SZRD1: variants seen among roughly 807,000 people sequenced by gnomAD.
SZRD1 encodes the protein SUZ RNA-binding domain-containing.
In SZRD1, 7 loss-of-function variants were observed where a neutral mutation model predicts 17.6. That is an observed-to-expected ratio of 0.40 (90% CI 0.23 to 0.75). SZRD1 has a LOEUF of 0.75. SZRD1 is among the 30% of genes least tolerant of loss of function. The probability of loss-of-function intolerance (pLI) is 0.38; values close to 1 mark genes in which losing one functional copy is unlikely to be tolerated. For missense variants in SZRD1, 178 were observed against 201.8 expected (o/e 0.88, Z 0.71); for synonymous variants, 77 against 77.9 (o/e 0.99, Z 0.06).
In SZRD1 at chr1:16,393,490, T is replaced by G. The variant is rs1557632281; in HGVS notation, c.356+8T>G. 1 of 1,603,896 alleles carries G rather than the reference T, an allele frequency of 6.2e-7. No individual in the cohort carries two copies. The highest frequency in any genetic ancestry group is 1.7e-5 in the Admixed American group (1 of 58,536). On this transcript the variant is annotated splice_region_variant and intron_variant, in intron 3 of 3. Transcript: ENST00000401088. The surrounding 1 kb of genome is among the most constrained non-coding windows in gnomAD (Gnocchi z 5.6). ...GAAACCCATCCTCGACAGGTGAGTG[T>G]GGCTGGCAGGGCCGGCCAGTGATGG...
chr1:16,375,478 C>G (rs1449306390), intron 1 of SZRD1, among the ~76,000 whole-genome samples: 4 of 152,048 alleles, frequency 2.6e-5, no homozygotes, highest in Non-Finnish European at 5.9e-5. Context: ...CCATGCCCGA[C>G]TCATGTTTTG....
intron 1 of SZRD1, chr1:16,387,140 G>C: frequency 2.7e-6 from 1 of 364,238 alleles, no homozygotes; most frequent in Non-Finnish European, 5.4e-6. Flanking sequence ...TATTTTAAAA[G>C]CTATTAGTAT....
intron 1 of SZRD1, among the ~76,000 whole-genome samples, chr1:16,376,818 A>AAAC (rs1553158712): frequency 2.0e-5 from 3 of 150,896 alleles, no homozygotes; most frequent in African/African-American, 7.4e-5. Flanking sequence ...AAAAAAAAAA[A>AAAC]AAAAAACGTT....
At chr1:16,377,846 T>C (rs1460631279) in intron 1 of SZRD1, among the ~76,000 whole-genome samples, 2 of 152,162 alleles carry the variant, frequency 1.3e-5, no homozygotes, top group African/African-American at 2.4e-5. Context: ...TGTGAAGGCA[T>C]TGTTCCCGGC....
intron 1 of SZRD1, among the ~76,000 whole-genome samples, chr1:16,370,727 C>A (rs573726761): frequency 2.0e-5 from 3 of 152,050 alleles, no homozygotes; most frequent in Non-Finnish European, 2.9e-5. Context: ...ACCTTGAATT[C>A]TTGGGCTCTA....
rs896485193 is a variant in SZRD1, at chr1:16,397,194, G to C, written c.*2054G>C. 2 of 152,304 alleles carry C rather than the reference G, an allele frequency of 1.3e-5. No homozygotes were observed. The highest frequency in any genetic ancestry group is 4.8e-5 in the African/African-American group (2 of 41,480). 9.4% of individuals were successfully genotyped at this position (152,304 alleles called of 1,614,324 possible). A position where few individuals can be genotyped will look rare whatever the true frequency, so the allele number is the denominator to read the frequency against. ...GGCCAAAGTAAAGGCTGGCTGGTGG[G>C]TGTCTGTGGATTGAGGATGTGGCAG... On this transcript the variant is annotated 3_prime_UTR_variant, in exon 4 of 4. Transcript: ENST00000401088. This position sits in a 1 kb window ranked among gnomAD's most constrained non-coding sequence, Gnocchi z 5.4.
chr1:16,388,336 G>A (rs570940685), intron 1 of SZRD1, among the ~76,000 whole-genome samples: 21 of 152,216 alleles, frequency 1.4e-4, no homozygotes, highest in African/African-American at 4.6e-4. Context: ...CTGACCTCAA[G>A]TGATTCACCC....
At chr1:16,382,034 G>A (rs558418167) in intron 1 of SZRD1, among the ~76,000 whole-genome samples, 1 of 152,176 alleles carries the variant, frequency 6.6e-6, no homozygotes, top group Non-Finnish European at 1.5e-5. Flanking sequence ...TGAACAGTGG[G>A]GCCAATGTGG....
At position 16,367,408 on chromosome 1, in the gene SZRD1, C is replaced by T. The variant is rs2082838574; in HGVS notation, c.51+100C>T. 6 of 1,183,458 alleles carry T rather than the reference C, an allele frequency of 5.1e-6. No individual in the cohort carries two copies. The South Asian group carries it at 5.7e-5, about 11-fold the overall frequency. 73.3% of individuals were successfully genotyped at this position (1,183,458 alleles called of 1,614,324 possible). On this transcript the variant is annotated intron_variant, in intron 1 of 3. Coordinates refer to ENST00000401088, the MANE Select transcript of SZRD1 (RefSeq NM_001114600.3). ...GGAGATAGTTCTCCCCAAGGAAGGG[C>T]CCCATACGCCGGGCTGGGGGTGGTG... is the stretch of plus-strand genomic sequence containing the variant.
chr1:16,369,600 G>A (rs1242763610), intron 1 of SZRD1: 2 of 614,420 alleles, frequency 3.3e-6, no homozygotes, highest in African/African-American at 3.7e-5. Context: ...CTTTAAAAAT[G>A]TACCGCGGCC....
At chr1:16,374,971 G>A (rs2082975331) in intron 1 of SZRD1, among the ~76,000 whole-genome samples, 2 of 151,944 alleles carry the variant, frequency 1.3e-5, no homozygotes, top group Admixed American at 6.6e-5. Context: ...TCTGCCTCCC[G>A]GGTTCGAGCG....
chr1:16,371,954 T>G (rs2082922271), intron 1 of SZRD1, among the ~76,000 whole-genome samples: 1 of 152,166 alleles, frequency 6.6e-6, no homozygotes, highest in Non-Finnish European at 1.5e-5. Context: ...GGAAGAATTT[T>G]TGTGTGTGTG....
At chr1:16,385,530 C>T (rs934293167) in intron 1 of SZRD1, among the ~76,000 whole-genome samples, 8 of 152,162 alleles carry the variant, frequency 5.3e-5, no homozygotes, top group Non-Finnish European at 8.8e-5. Flanking sequence ...CTCTGCCTTT[C>T]TCACCTTTCT....
At chr1:16,380,728 A>G (rs891976024) in intron 1 of SZRD1, among the ~76,000 whole-genome samples, 2 of 152,118 alleles carry the variant, frequency 1.3e-5, no homozygotes, top group African/African-American at 4.8e-5. Flanking sequence ...TCGGGCTCCC[A>G]AAGTGCTGGG....
rs1212506179 is a variant in SZRD1, at chr1:16,393,272, A to G, written c.146A>G (p.Asp49Gly). 6.2e-7 allele frequency: 1 copy of G among 1,614,026 alleles called. No homozygotes were observed. Among genetic ancestry groups the G allele is most frequent in the Non-Finnish European group, 8.5e-7 (1 of 1,180,026 alleles). ...SPPKVPIVIQ[D>G]DSLPAGPPPQ... ...CCCAAAGTGCCCATTGTGATTCAGG[A>G]CGATAGCCTTCCCGCGGGGCCCCCT... Residue 49 changes from aspartate to glycine, a missense_variant, in exon 3 of 4, where the codon GAC (aspartate) becomes GGC (glycine). Transcript: ENST00000401088. The surrounding 1 kb of genome is among the most constrained non-coding windows in gnomAD (Gnocchi z 5.6).
At chr1:16,384,170 A>T (rs750382480) in intron 1 of SZRD1, among the ~76,000 whole-genome samples, 8 of 152,232 alleles carry the variant, frequency 5.3e-5, no homozygotes, top group Non-Finnish European at 8.8e-5. Flanking sequence ...TACTGATGGA[A>T]ACAAGGCAGA....
At chr1:16,370,673 GT>G (rs1390726528) in intron 1 of SZRD1, among the ~76,000 whole-genome samples, 1 of 150,932 alleles carries the variant, frequency 6.6e-6, no homozygotes, top group Admixed American at 6.6e-5. Context: ...GTCTCATTTG[GT>G]TTCCCAGGCT....
chr1:16,392,859 G>T (rs1351135694), intron 2 of SZRD1, among the ~76,000 whole-genome samples: 3 of 152,226 alleles, frequency 2.0e-5, no homozygotes. Flanking sequence ...GCGTAGAGAA[G>T]CTGGGATCTT....
intron 1 of SZRD1, among the ~76,000 whole-genome samples, chr1:16,390,060 T>C (rs763584894): frequency 2.6e-5 from 4 of 152,222 alleles, no homozygotes; most frequent in Non-Finnish European, 5.9e-5. Context: ...CAGAATCTTA[T>C]CTGGTTGAGA....
Sources: gnomAD v4.1 joint callset for allele counts (sites outside exome capture counted in the v4.1 genomes callset) on GRCh38, gnomAD v4.1.1 for gene constraint, Gnocchi (gnomAD v3.1) non-coding constraint, MANE v1.5 for transcripts, NCBI Gene and HGNC (gene_info 2026-07-23, HGNC 2026-07-21) for gene names.